Variants in LRP1B observed in about 807,000 individuals in gnomAD.
LRP1B encodes low-density lipoprotein receptor-related protein 1B.
LRP1B carries 217 observed loss-of-function variants against 556.6 expected under a neutral mutation model. The observed-to-expected ratio is 0.39, with a 90% CI of 0.35 to 0.44. LRP1B has a LOEUF of 0.44. Among genes scored for constraint, LRP1B ranks in the 20% least tolerant of loss-of-function variants. The pLI is 1.00. For missense variants in LRP1B, 5,053 were observed against 5,620.8 expected, an observed-to-expected ratio of 0.90 and a Z score of 3.23; for synonymous variants, 2,047 against 1,865.8, an observed-to-expected ratio of 1.10 and a Z score of -2.50.
intron 1 of LRP1B, among the ~76,000 whole-genome samples, chr2:141,884,060 C>T (rs1699035908): frequency 1.3e-5 from 2 of 152,112 alleles, no homozygotes; most frequent in Admixed American, 1.3e-4. Flanking sequence ...GGAACCCTAT[C>T]TGAGTCTTTA....
intron 35 of LRP1B, among the ~76,000 whole-genome samples, chr2:140,744,916 C>G (rs1688266984): frequency 6.6e-6 from 1 of 152,252 alleles, no homozygotes; most frequent in Admixed American, 6.5e-5. Flanking sequence ...GTTTGACATA[C>G]AGTAGGTGCT....
chr2:141,469,211 G>A (rs111990945), intron 3 of LRP1B, among the ~76,000 whole-genome samples: 53 of 152,228 alleles, frequency 3.5e-4, no homozygotes, highest in African/African-American at 1.1e-3. Context: ...TATAATATAC[G>A]TGCATATGTC....
chr2:140,918,521 T>C (rs1195062123), intron 21 of LRP1B, among the ~76,000 whole-genome samples: 1 of 152,086 alleles, frequency 6.6e-6, no homozygotes, highest in East Asian at 1.9e-4. Flanking sequence ...GGTTCACCAA[T>C]CTCCCTGAAA....
At chr2:140,234,199 C>T (rs1462416038) in intron 90 of LRP1B, among the ~76,000 whole-genome samples, 3 of 151,238 alleles carry the variant, frequency 2.0e-5, no homozygotes, top group Non-Finnish European at 3.0e-5. Flanking sequence ...ATGGGAAAGA[C>T]GATAAGGGAG....
chr2:141,360,458 G>A (rs16845917), intron 3 of LRP1B, among the ~76,000 whole-genome samples: 7,204 of 152,282 alleles, frequency 0.047, 286 homozygotes, highest in African/African-American at 0.099. Flanking sequence ...GAATGGATAT[G>A]TATGTGACTG....
chr2:141,538,779 T>C (rs6429905), intron 2 of LRP1B, among the ~76,000 whole-genome samples: 139,406 of 152,142 alleles, frequency 0.92, 65,089 homozygotes, highest in East Asian at 1. Flanking sequence ...GCTGGGATTA[T>C]AAGCATGTGC....
At chr2:142,064,660 T>C (rs1705039667) in intron 1 of LRP1B, among the ~76,000 whole-genome samples, 1 of 151,556 alleles carries the variant, frequency 6.6e-6, no homozygotes, top group Non-Finnish European at 1.5e-5. Context: ...TGAGACTCAA[T>C]ATTACAAATT....
At chr2:140,861,881 T>TTG (rs764719526) in intron 27 of LRP1B, among the ~76,000 whole-genome samples, 6 of 151,998 alleles carry the variant, frequency 3.9e-5, no homozygotes, top group Admixed American at 2.6e-4. Context: ...ACTGTTCCTT[T>TTG]TGTGTGTGTG....
chr2:140,619,880 A>T (rs1290041917), intron 41 of LRP1B, among the ~76,000 whole-genome samples: 2 of 152,132 alleles, frequency 1.3e-5, no homozygotes, highest in Non-Finnish European at 2.9e-5. Context: ...TATGACCAAA[A>T]AAGTGTCAAA....
intron 43 of LRP1B, among the ~76,000 whole-genome samples, chr2:140,585,964 C>G (rs945233853): frequency 1.3e-5 from 2 of 152,004 alleles, no homozygotes; most frequent in Non-Finnish European, 2.9e-5. Context: ...AATGCAAGGG[C>G]CTTGTTTTAC....
At chr2:140,988,587 C>T (rs890072765) in intron 17 of LRP1B, among the ~76,000 whole-genome samples, 5 of 152,044 alleles carry the variant, frequency 3.3e-5, no homozygotes, top group African/African-American at 9.7e-5. Flanking sequence ...ATCAAAAGTG[C>T]AGAGAGGTAT....
intron 2 of LRP1B, among the ~76,000 whole-genome samples, chr2:141,608,260 A>C (rs931935855): frequency 1.3e-5 from 2 of 152,166 alleles, no homozygotes. Flanking sequence ...TGTTTAATAA[A>C]ATTCAATGCC....
chr2:141,863,436 T>G (rs1698314091), intron 1 of LRP1B, among the ~76,000 whole-genome samples: 1 of 152,026 alleles, frequency 6.6e-6, no homozygotes, highest in Non-Finnish European at 1.5e-5. Context: ...TTACCTAGAG[T>G]AGTCAGGAAA....
chr2:140,630,475 C>T (rs1683838613), intron 41 of LRP1B, among the ~76,000 whole-genome samples: 1 of 152,196 alleles, frequency 6.6e-6, no homozygotes, highest in Non-Finnish European at 1.5e-5. Flanking sequence ...GAGATCAGCT[C>T]ACCAGGAGAA....
chr2:140,590,419 T>C (rs1682173458), intron 43 of LRP1B, among the ~76,000 whole-genome samples: 2 of 151,682 alleles, frequency 1.3e-5, no homozygotes, highest in African/African-American at 4.8e-5. Flanking sequence ...CTGTGCCTCC[T>C]TGCAAAATTT....
rs555753320 is a variant in LRP1B at position 141,393,541 on chromosome 2, T to A, written c.343+86855A>T. ...CTATTTCTCACCTTTTAAAAAATAA[T>A]TATTCCCTCATCAAGCATTCGTCTT... On this transcript the variant is annotated intron_variant, in intron 3 of 90. Coordinates refer to ENST00000389484, the MANE Select transcript of LRP1B (RefSeq NM_018557.3). 2.6e-5 allele frequency among the ~76,000 whole-genome samples: 4 copies of A among 152,322 alleles called. No homozygotes were observed. In the South Asian group the frequency reaches 8.3e-4, roughly 32 times the overall value.
At chr2:141,227,278 T>C (rs375164688) in intron 6 of LRP1B, among the ~76,000 whole-genome samples, 1 of 152,216 alleles carries the variant, frequency 6.6e-6, no homozygotes, top group African/African-American at 2.4e-5. Context: ...ATAATTCTAC[T>C]GCGCAACTTA....
At chr2:141,106,639 C>T (rs1700609491) in intron 7 of LRP1B, among the ~76,000 whole-genome samples, 1 of 152,112 alleles carries the variant, frequency 6.6e-6, no homozygotes. Flanking sequence ...TTATCATGAC[C>T]TGTGCAGCTA....
rs142361003 is a variant in LRP1B, at chr2:140,247,126, C to G, written c.13284G>C (p.Arg4428Ser). Residue 4428 changes from arginine (R) to serine (S), a missense_variant, in exon 87 of 91, where the codon AGG (arginine) becomes AGC (serine). Around this residue, in one of 5 missense-constraint regions of LRP1B, gnomAD observed 551 missense variants for 592.0 expected, o/e 0.93. Coordinates refer to ENST00000389484, the MANE Select transcript of LRP1B (RefSeq NM_018557.3). The part of the protein sequence containing the change: ...STNWSGTQCE[R>S]PAPKSSKSDH... ...CAGACTTGCTGCTCTTTGGGGCTGGCCTTTCACACTGTGTGCCTGACCAGT... is the reference window on the plus strand; with the variant it reads ...CAGACTTGCTGCTCTTTGGGGCTGGGCTTTCACACTGTGTGCCTGACCAGT... 1 of 1,609,398 alleles carries G rather than the reference C, an allele frequency of 6.2e-7. No homozygotes were observed. The highest frequency in any genetic ancestry group is 1.1e-5 in the South Asian group (1 of 90,998).
Sources: allele counts gnomAD v4.1 joint callset (sites outside exome capture counted in the v4.1 genomes callset), GRCh38; gene constraint gnomAD v4.1.1; regional missense constraint gnomAD v4.1.1; transcripts MANE v1.5; gene names NCBI Gene and HGNC (gene_info 2026-07-23, HGNC 2026-07-21).